P2RX7: variants seen among roughly 807,000 people sequenced by gnomAD.
P2RX7 encodes the protein purinergic receptor P2X 7, also known as P2X purinoceptor 7.
Under a neutral mutation model 71.6 loss-of-function variants are expected in P2RX7, and 62 were observed. That is an observed-to-expected ratio of 0.87 (90% CI 0.71 to 1.07). The LOEUF (loss-of-function observed/expected upper bound fraction) is 1.07. Among genes scored for constraint, P2RX7 ranks in the 50% least tolerant of loss-of-function variants. The pLI, the probability that P2RX7 is intolerant of heterozygous loss-of-function variation, is 0.00. For synonymous variants in P2RX7, 299 were observed against 283.3 expected, an observed-to-expected ratio of 1.06 and a Z score of -0.56; for missense variants, 686 against 748.5, an observed-to-expected ratio of 0.92 and a Z score of 0.97.
rs201399293 is a variant in P2RX7, at chr12:121,180,450, G to A, written c.1285G>A (p.Val429Ile). 5.3e-6 allele frequency: 8 copies of A among 1,517,292 alleles called. No individual in the cohort carries two copies. Among genetic ancestry groups the A allele is most frequent in the East Asian group, 4.5e-5 (2 of 44,114 alleles). The allele number at this position is 1,517,292 out of a possible 1,614,324, so 94.0% of individuals were successfully genotyped here. ...RSLQDVKGQE[V>I]PRPAMDFTDL... ...TCTGCAAGATGTCAAGGGCCAAGAA[G>A]TCCCAGTAAGTTAAATCATTTTGTC... The change falls in exon 12 of 13, where the codon GTC (valine) becomes ATC (isoleucine). Residue 429 changes from valine to isoleucine, a missense_variant. Physicochemically the swap from Val to Ile is conservative, Grantham distance 29 (BLOSUM62 3). Coordinates refer to ENST00000328963, the MANE Select transcript of P2RX7 (RefSeq NM_002562.6).
chr12:121,133,131 G>A, intron 1 of P2RX7, 36 bp downstream of exon 1: 1 of 1,612,936 alleles, frequency 6.2e-7, no homozygotes, highest in Non-Finnish European at 8.5e-7. Context: ...GATCTCTGCA[G>A]TGGCCGACAG....
At chr12:121,139,083 T>C (rs1431061749) in intron 1 of P2RX7, among the ~76,000 whole-genome samples, 1 of 152,030 alleles carries the variant, frequency 6.6e-6, no homozygotes, top group Non-Finnish European at 1.5e-5. Flanking sequence ...CTGGGACTAT[T>C]GGTGCATGCC....
At chr12:121,153,825 T>C (rs1877997689) in intron 1 of P2RX7, among the ~76,000 whole-genome samples, 2 of 152,058 alleles carry the variant, frequency 1.3e-5, no homozygotes, top group South Asian at 4.2e-4. Flanking sequence ...AAAGAGTAAC[T>C]CCTGCAGCCT....
In P2RX7 at chr12:121,185,519, C is replaced by A. The variant is rs879058639; in HGVS notation, c.*717C>A. 1.3e-5 allele frequency: 2 copies of A among 152,652 alleles called. No individual in the cohort carries two copies. The highest frequency in any genetic ancestry group is 1.3e-4 in the Admixed American group (2 of 15,276). The allele number at this position is 152,652 out of a possible 1,614,324, so 9.5% of individuals were successfully genotyped here. ...AGGATAATGTCCAACTAAAAACAAA[C>A]CCTTTTCATCCTGGCTGGAGAATGT... On this transcript the variant is annotated 3_prime_UTR_variant, in exon 13 of 13. Coordinates refer to ENST00000328963, the MANE Select transcript of P2RX7 (RefSeq NM_002562.6).
At position 121,146,489 on chromosome 12, in the gene P2RX7, A is replaced by G. The variant is rs143211529; in HGVS notation, c.126-8296A>G. Among the ~76,000 whole-genome samples, 405 of 151,340 alleles carry G rather than the reference A, an allele frequency of 2.7e-3. 1 individual carries two copies. Among genetic ancestry groups the G allele is most frequent in the African/African-American group, 9.5e-3 (394 of 41,308 alleles). On this transcript the variant is annotated intron_variant, in intron 1 of 12. Coordinates refer to ENST00000328963, the MANE Select transcript of P2RX7 (RefSeq NM_002562.6). ...GTATTTTTAGTAGAGACGGGGTTTC[A>G]CCATGTTGGCCAGGCTGGTCTTGAA... is the stretch of plus-strand genomic sequence containing the variant.
At position 121,161,983 on chromosome 12, in the gene P2RX7, G is replaced by A. The variant is rs139776227; in HGVS notation, c.437-441G>A. Among the ~76,000 whole-genome samples, 199 of 152,096 alleles carry A rather than the reference G, an allele frequency of 1.3e-3. No homozygotes were observed. Among genetic ancestry groups the A allele is most frequent in the African/African-American group, 4.4e-3 (181 of 41,488 alleles). ...CTCACTATTTAATTAATTCTCCCTT[G>A]GAAACTGATTAATCATCCTGGCACT... On this transcript the variant is annotated intron_variant, in intron 4 of 12. Transcript: ENST00000328963.
chr12:121,136,778 C>T (rs1873798061), intron 1 of P2RX7, among the ~76,000 whole-genome samples: 1 of 151,618 alleles, frequency 6.6e-6, no homozygotes, highest in Non-Finnish European at 1.5e-5. Context: ...TCCCGAGTAG[C>T]TGGGACCACA....
chr12:121,171,103 C>T (rs1373591585), intron 8 of P2RX7, among the ~76,000 whole-genome samples: 1 of 152,122 alleles, frequency 6.6e-6, no homozygotes, highest in African/African-American at 2.4e-5. Context: ...TTTCCTGTGG[C>T]TGTTATGACT....
rs1555231867 is a variant in P2RX7, at chr12:121,185,082, CCA to C, written c.*281_*282del. 303 of 195,358 alleles carry C rather than the reference CCA, an allele frequency of 1.6e-3. No individual in the cohort carries two copies. The highest frequency in any genetic ancestry group is 3.7e-3 in the East Asian group (36 of 9,696). 12.1% of individuals were successfully genotyped at this position (195,358 alleles called of 1,614,324 possible). ...CCTGGGAGGCACAGCAAACTGTCCCCCAAAAAAAAAAAAGAGTCCTTACCAAT... is the reference window on the plus strand; with the variant it reads ...CCTGGGAGGCACAGCAAACTGTCCCCAAAAAAAAAAAGAGTCCTTACCAAT... On this transcript the variant is annotated 3_prime_UTR_variant, in exon 13 of 13. Transcript: ENST00000328963.
At chr12:121,161,367 T>A (rs1002186669) in intron 4 of P2RX7, among the ~76,000 whole-genome samples, 2 of 152,336 alleles carry the variant, frequency 1.3e-5, no homozygotes, top group Admixed American at 1.3e-4. Context: ...TTTTTTTTGT[T>A]TTTTATTTTA....
intron 12 of P2RX7, among the ~76,000 whole-genome samples, chr12:121,181,428 T>C (rs953438101): frequency 6.6e-6 from 1 of 152,166 alleles, no homozygotes; most frequent in African/African-American, 2.4e-5. Context: ...AAGGCAGACA[T>C]ATGTTCGGTT....
intron 6 of P2RX7, 21 bp from the exon 7 acceptor site, chr12:121,166,037 T>C (rs199691547): frequency 7.5e-6 from 12 of 1,600,076 alleles, no homozygotes; most frequent in African/African-American, 6.9e-5. Context: ...TGTTTGTTTG[T>C]TTGCTTTTAA....
At chr12:121,147,843 C>T (rs979535015) in intron 1 of P2RX7, among the ~76,000 whole-genome samples, 8 of 151,982 alleles carry the variant, frequency 5.3e-5, no homozygotes, top group African/African-American at 1.9e-4. Flanking sequence ...GAACTCCTGG[C>T]CTCAATTAAT....
At chr12:121,145,795 C>T (rs985471037) in intron 1 of P2RX7, among the ~76,000 whole-genome samples, 2 of 152,080 alleles carry the variant, frequency 1.3e-5, no homozygotes, top group East Asian at 1.9e-4. Flanking sequence ...CGTGAGCCAC[C>T]GTACCCGGCC....
intron 9 of P2RX7, among the ~76,000 whole-genome samples, 183 bp from the exon 10 acceptor site, chr12:121,176,964 T>C (rs529880842): frequency 9.2e-5 from 14 of 152,252 alleles, no homozygotes; most frequent in Non-Finnish European, 2.9e-5. Flanking sequence ...CCTGCACGGC[T>C]GAAGCAGGAT....
rs1878052389 is a variant in P2RX7, at chr12:121,154,044, G to C, written c.126-741G>C. ...GGCTGAGGTGGGAGGATCAACTTGA[G>C]CTCGGGAGTTGGAGGCTGCAGTGAG... is the stretch of plus-strand genomic sequence containing the variant. On this transcript the variant is annotated intron_variant, in intron 1 of 12. Coordinates refer to ENST00000328963, the MANE Select transcript of P2RX7 (RefSeq NM_002562.6). The surrounding 1 kb of genome is among the most constrained non-coding windows in gnomAD (Gnocchi z 4.2). 1.3e-5 allele frequency among the ~76,000 whole-genome samples: 2 copies of C among 151,968 alleles called. No homozygotes were observed. Among genetic ancestry groups the C allele is most frequent in the Non-Finnish European group, 2.9e-5 (2 of 67,976 alleles).
intron 1 of P2RX7, among the ~76,000 whole-genome samples, chr12:121,135,817 A>G (rs113596094): frequency 2.6e-5 from 4 of 151,054 alleles, no homozygotes; most frequent in African/African-American, 9.7e-5. Context: ...AGCCTGGCCA[A>G]CGTGGTGGAA....
In P2RX7 at chr12:121,161,838, TAAA is replaced by T. The variant is rs199517852; in HGVS notation, c.437-575_437-573del. Among the ~76,000 whole-genome samples, 349 of 134,206 alleles carry T rather than the reference TAAA, an allele frequency of 2.6e-3. 2 individuals are homozygous for T. The highest frequency in any genetic ancestry group is 9.0e-3 in the African/African-American group (327 of 36,188). The allele number at this position is 134,206 out of a possible 152,430, so 88.0% of individuals were successfully genotyped here. On this transcript the variant is annotated intron_variant, in intron 4 of 12. Coordinates refer to ENST00000328963, the MANE Select transcript of P2RX7 (RefSeq NM_002562.6). ...GCAATTTTAAAAATACTGCAAATAG[TAAA>T]AAAAAAAAAATCAGTGGTTATAATG...
At chr12:121,133,568 C>G (rs185272507) in intron 1 of P2RX7, among the ~76,000 whole-genome samples, 3 of 152,340 alleles carry the variant, frequency 2.0e-5, no homozygotes, top group Admixed American at 1.3e-4. Flanking sequence ...AAGAAACTTA[C>G]TGAGATATAA....
Sources: gnomAD v4.1 joint callset for allele counts (sites outside exome capture counted in the v4.1 genomes callset) on GRCh38, gnomAD v4.1.1 for gene constraint, Gnocchi (gnomAD v3.1) non-coding constraint, MANE v1.5 for transcripts, NCBI Gene and HGNC (gene_info 2026-07-23, HGNC 2026-07-21) for gene names.